The following COL5A2 variants were observed in gnomAD, a reference collection of about 807,000 sequenced individuals.
The protein encoded by COL5A2 is collagen alpha-2(V) chain.
COL5A2 carries 23 observed loss-of-function variants against 208.2 expected under a neutral mutation model. The observed-to-expected ratio is 0.11, with a 90% CI of 0.08 to 0.16. COL5A2 has a LOEUF of 0.16. Ranked by LOEUF, COL5A2 falls within the 10% of genes least tolerant of loss-of-function variation. The probability of loss-of-function intolerance (pLI) is 1.00; values close to 1 mark genes in which losing one functional copy is unlikely to be tolerated. For synonymous variants in COL5A2, 625 were observed against 628.5 expected, an observed-to-expected ratio of 0.99 and a Z score of 0.08; for missense variants, 1,590 against 1,956.4, an observed-to-expected ratio of 0.81 and a Z score of 3.53.
upstream of COL5A2, among the ~76,000 whole-genome samples, chr2:189,225,954 A>G (rs1689411790): frequency 6.6e-6 from 1 of 152,126 alleles, no homozygotes; most frequent in Non-Finnish European, 1.5e-5. Flanking sequence ...CAGTTCTTCT[A>G]TTATTAAGCT....
rs550723518 is a variant in COL5A2 at position 189,034,923 on chromosome 2, G to T, written c.4346C>A (p.Thr1449Asn). The part of the protein sequence containing the change: ...IRFRYIVLQD[T>N]CSKRNGNVGK... ...AGATCAAAAAGTACTTACAGAGCAAGTGTCTTGAAGAACGATATACCGGAA... is the reference window on the plus strand; with the variant it reads ...AGATCAAAAAGTACTTACAGAGCAATTGTCTTGAAGAACGATATACCGGAA... The change falls in exon 53 of 54, where the codon ACT (threonine) becomes AAT (asparagine). Residue 1449 changes from threonine (T) to asparagine (N), a missense_variant. Transcript: ENST00000374866. 6.8e-6 allele frequency: 11 copies of T among 1,613,876 alleles called. No individual in the cohort carries two copies. In the South Asian group the frequency reaches 1.2e-4, roughly 18 times the overall value.
the COL5A2 span, among the ~76,000 whole-genome samples, chr2:189,364,876 A>G: frequency 1.3e-5 from 2 of 152,314 alleles, no homozygotes; most frequent in African/African-American, 4.8e-5. Context: ...ATAAACTATG[A>G]ACCTTAGTTA....
the COL5A2 span, among the ~76,000 whole-genome samples, chr2:189,271,361 A>T: frequency 6.6e-6 from 1 of 152,156 alleles, no homozygotes; most frequent in Non-Finnish European, 1.5e-5. Context: ...CCACACATCT[A>T]CAACCATCTG....
the COL5A2 span, among the ~76,000 whole-genome samples, chr2:189,325,222 G>A: frequency 1.3e-5 from 2 of 151,948 alleles, no homozygotes; most frequent in East Asian, 1.9e-4. Flanking sequence ...TGTAAATGAC[G>A]AGTTAATGGG....
chr2:189,251,151 T>C, the COL5A2 span, among the ~76,000 whole-genome samples: 2 of 152,188 alleles, frequency 1.3e-5, no homozygotes, highest in Admixed American at 1.3e-4. Flanking sequence ...AAAAAATTTT[T>C]AAATATTTGT....
chr2:189,059,684 C>T (rs1345021769), intron 31 of COL5A2, among the ~76,000 whole-genome samples: 1 of 144,858 alleles, frequency 6.9e-6, no homozygotes, highest in Non-Finnish European at 1.5e-5. Context: ...GCAACCTCCA[C>T]CTCCTGGATT....
the COL5A2 span, among the ~76,000 whole-genome samples, chr2:189,332,653 C>T: frequency 3.3e-5 from 5 of 152,210 alleles, 1 homozygote; most frequent in Admixed American, 3.3e-4. Flanking sequence ...ACTTGCTCCT[C>T]CTTGCCTTCT....
At position 189,031,943 on chromosome 2, in the gene COL5A2, A is replaced by T. The variant is rs1685343607; in HGVS notation, c.*2127T>A. ...TGGTAGCATTCCCAAAATCCAAATA[A>T]GAACTGTTATTTCTATAGTTGGAAA... On this transcript the variant is annotated 3_prime_UTR_variant, in exon 54 of 54. Transcript: ENST00000374866. 1 of 152,144 alleles carries T rather than the reference A, an allele frequency of 6.6e-6. No individual in the cohort carries two copies. The highest frequency in any genetic ancestry group is 1.5e-5 in the Non-Finnish European group (1 of 68,010). 9.4% of individuals were successfully genotyped at this position (152,144 alleles called of 1,614,324 possible).
chr2:189,146,227 T>A (rs1243438283), intron 1 of COL5A2, among the ~76,000 whole-genome samples: 1 of 152,064 alleles, frequency 6.6e-6, no homozygotes, highest in Non-Finnish European at 1.5e-5. Flanking sequence ...GATAGAATAA[T>A]TAGGGATCAA....
chr2:189,380,917 A>G, the COL5A2 span, among the ~76,000 whole-genome samples: 2 of 152,132 alleles, frequency 1.3e-5, no homozygotes, highest in South Asian at 4.1e-4. Flanking sequence ...CTTACTGACA[A>G]TGAAATTCAG....
intron 1 of COL5A2, among the ~76,000 whole-genome samples, chr2:189,120,682 T>A (rs904579234): frequency 1.3e-5 from 2 of 152,196 alleles, no homozygotes; most frequent in Non-Finnish European, 2.9e-5. Flanking sequence ...ACAGTCTGGA[T>A]ACATAGCAGA....
chr2:189,250,626 A>G, the COL5A2 span, among the ~76,000 whole-genome samples: 92 of 152,222 alleles, frequency 6.0e-4, 1 homozygote, highest in East Asian at 0.017. Flanking sequence ...GGGGATAAGT[A>G]TCCCTCTTCC....
intron 1 of COL5A2, among the ~76,000 whole-genome samples, chr2:189,134,731 A>C (rs1033232795): frequency 4.6e-5 from 7 of 152,220 alleles, no homozygotes; most frequent in African/African-American, 1.7e-4. Flanking sequence ...ACCAAGGGCA[A>C]ATTTCAGGAA....
chr2:189,289,477 G>A, the COL5A2 span, among the ~76,000 whole-genome samples: 2 of 152,144 alleles, frequency 1.3e-5, no homozygotes, highest in African/African-American at 4.8e-5. Flanking sequence ...TCAGGAACAC[G>A]ACAAGGATGC....
the COL5A2 span, among the ~76,000 whole-genome samples, chr2:189,397,175 A>G: frequency 6.6e-6 from 1 of 152,058 alleles, no homozygotes; most frequent in Non-Finnish European, 1.5e-5. Context: ...TGAAGGGTAA[A>G]ATTAGTACCC....
chr2:189,298,595 T>A, the COL5A2 span, among the ~76,000 whole-genome samples: 1 of 152,180 alleles, frequency 6.6e-6, no homozygotes, highest in African/African-American at 2.4e-5. Flanking sequence ...AATCTCTTAT[T>A]GTATTCTCAT....
chr2:189,058,465 C>T lies in COL5A2; in HGVS notation c.2193G>A (p.Lys731=). 2 of 1,614,074 alleles carry T rather than the reference C, an allele frequency of 1.2e-6. No individual in the cohort carries two copies. The highest frequency in any genetic ancestry group is 1.7e-6 in the Non-Finnish European group (2 of 1,179,974). The change falls in exon 33 of 54, where the codon AAG becomes AAA. Residue 731 remains lysine (K), a synonymous_variant. Coordinates refer to ENST00000374866, the MANE Select transcript of COL5A2 (RefSeq NM_000393.5). ...EPGITGLPGE[K]GMAGGHGPDG... ...CAGGACCATGTCCTCCAGCCATTCCCTTCTCACCAGGGAGTCCAGTTATCC... is the reference window on the plus strand; with the variant it reads ...CAGGACCATGTCCTCCAGCCATTCCTTTCTCACCAGGGAGTCCAGTTATCC...
intron 1 of COL5A2, among the ~76,000 whole-genome samples, chr2:189,121,157 G>C (rs995872331): frequency 3.9e-5 from 6 of 152,046 alleles, no homozygotes; most frequent in Admixed American, 3.3e-4. Flanking sequence ...GAAGTCAAAA[G>C]AAATCTGGGA....
chr2:189,400,944 A>G, the COL5A2 span, among the ~76,000 whole-genome samples: 1 of 152,234 alleles, frequency 6.6e-6, no homozygotes, highest in Non-Finnish European at 1.5e-5. Context: ...TAGGAAAACT[A>G]AAATGATTGC....
Sources: allele counts gnomAD v4.1 joint callset (sites outside exome capture counted in the v4.1 genomes callset), GRCh38; gene constraint gnomAD v4.1.1; transcripts MANE v1.5; gene names NCBI Gene and HGNC (gene_info 2026-07-23, HGNC 2026-07-21).